XKR6: variants seen among roughly 807,000 people sequenced by gnomAD.
The protein encoded by XKR6 is XK related 6, also known as XK-related protein 6.
XKR6 carries 22 observed loss-of-function variants against 56.7 expected under a neutral mutation model. The observed-to-expected ratio is 0.39, with a 90% confidence interval of 0.28 to 0.55. The LOEUF (loss-of-function observed/expected upper bound fraction) is 0.55, where lower values mean the gene tolerates loss of function less well. Ranked by LOEUF, XKR6 falls within the 20% of genes least tolerant of loss-of-function variation. The pLI is 0.66. For missense variants in XKR6, 852 were observed against 889.0 expected, an observed-to-expected ratio of 0.96 and a Z score of 0.53; for synonymous variants, 524 against 387.8, an observed-to-expected ratio of 1.35 and a Z score of -4.13.
rs1447672553 is a variant in XKR6 at position 11,130,987 on chromosome 8, T to C, written c.764+69589A>G. ...CAAGAAATGATGTCATGACATCACATACAATATAAGCACATTTCATAAATC... is the reference window on the plus strand; with the variant it reads ...CAAGAAATGATGTCATGACATCACACACAATATAAGCACATTTCATAAATC... On this transcript the variant is annotated intron_variant, in intron 1 of 2. Transcript: ENST00000416569. 2.6e-5 allele frequency among the ~76,000 whole-genome samples: 4 copies of C among 152,146 alleles called. No homozygotes were observed. In the East Asian group the frequency reaches 5.8e-4, roughly 22 times the overall value.
rs553226221 is a variant in XKR6, at chr8:11,201,383, C to CG, written c.-45dup. On this transcript the variant is annotated 5_prime_UTR_variant, in exon 1 of 3. Coordinates refer to ENST00000416569, the MANE Select transcript of XKR6 (RefSeq NM_173683.4). ...TCCGGAGGTTGGGGGGGAGGGACGG[C>CG]GGGGGGGGGGGGAAGAAGGCAGGGA... is the stretch of plus-strand genomic sequence containing the variant. 0.011 allele frequency: 1,792 copies of CG among 156,040 alleles called. 9 individuals are homozygous for CG. Among genetic ancestry groups the CG allele is most frequent in the East Asian group, 0.023 (40 of 1,752 alleles). The allele number at this position is 156,040 out of a possible 1,614,324, so 9.7% of individuals were successfully genotyped here.
chr8:11,199,108 A>G (rs1375009486), intron 1 of XKR6, among the ~76,000 whole-genome samples: 1 of 152,214 alleles, frequency 6.6e-6, no homozygotes, highest in Non-Finnish European at 1.5e-5. Flanking sequence ...CACTTCTTAT[A>G]AACTTATCAG....
chr8:11,016,649 A>G (rs1798630300), intron 1 of XKR6, among the ~76,000 whole-genome samples: 1 of 151,866 alleles, frequency 6.6e-6, no homozygotes, highest in Admixed American at 6.6e-5. Flanking sequence ...CCTCCTCGTC[A>G]CTGCCACGGA....
intron 2 of XKR6, among the ~76,000 whole-genome samples, chr8:10,910,245 T>C (rs978251787): frequency 4.6e-5 from 7 of 151,908 alleles, no homozygotes; most frequent in African/African-American, 1.5e-4. Context: ...CGCGCTGAGG[T>C]TGAAACTGTG....
At chr8:11,166,668 G>A (rs984234265) in intron 1 of XKR6, among the ~76,000 whole-genome samples, 1 of 151,946 alleles carries the variant, frequency 6.6e-6, no homozygotes, top group Non-Finnish European at 1.5e-5. Context: ...TGCCTCCTAG[G>A]TTCAAGCGAT....
At chr8:11,037,792 A>G (rs926142963) in intron 1 of XKR6, among the ~76,000 whole-genome samples, 1 of 151,272 alleles carries the variant, frequency 6.6e-6, no homozygotes, top group Non-Finnish European at 1.5e-5. Flanking sequence ...CAGAAGGCAG[A>G]GCTTGCACTG....
chr8:11,112,091 A>G (rs561227118), intron 1 of XKR6, among the ~76,000 whole-genome samples: 36 of 152,344 alleles, frequency 2.4e-4, no homozygotes, highest in Admixed American at 2.2e-3. Flanking sequence ...AATATTACAC[A>G]ATACTCATCC....
intron 1 of XKR6, among the ~76,000 whole-genome samples, chr8:11,033,238 G>T (rs558339537): frequency 1.9e-3 from 294 of 151,264 alleles, no homozygotes; most frequent in African/African-American, 7.0e-3. Flanking sequence ...GGTGATGGTG[G>T]TGGTGACAGT....
intron 1 of XKR6, among the ~76,000 whole-genome samples, chr8:10,968,316 A>C (rs1235044914): frequency 6.6e-6 from 1 of 152,268 alleles, no homozygotes; most frequent in Non-Finnish European, 1.5e-5. Flanking sequence ...CCCATTTAAA[A>C]AATTAGAGAA....
At chr8:11,189,119 G>C in intron 1 of XKR6, among the ~76,000 whole-genome samples, 1 of 152,012 alleles carries the variant, frequency 6.6e-6, no homozygotes. Flanking sequence ...GTATCTATTA[G>C]GTCATGTCTC....
At chr8:10,917,100 G>A (rs1800584639) in intron 2 of XKR6, among the ~76,000 whole-genome samples, 1 of 151,056 alleles carries the variant, frequency 6.6e-6, no homozygotes, top group Non-Finnish European at 1.5e-5. Context: ...CAAATTTGGT[G>A]CTGGTATCTG....
intron 1 of XKR6, among the ~76,000 whole-genome samples, chr8:11,128,011 C>T (rs1048996630): frequency 3.3e-5 from 5 of 152,114 alleles, no homozygotes; most frequent in Admixed American, 2.0e-4. Context: ...TCACATAAAA[C>T]GACATGCATT....
At chr8:11,128,635 A>C (rs906923399) in intron 1 of XKR6, among the ~76,000 whole-genome samples, 2 of 152,348 alleles carry the variant, frequency 1.3e-5, no homozygotes, top group Middle Eastern at 3.4e-3. Context: ...CTACTGTCCT[A>C]GAGTATAACC....
chr8:10,913,250 G>A (rs1460549978), intron 2 of XKR6, among the ~76,000 whole-genome samples: 1 of 151,932 alleles, frequency 6.6e-6, no homozygotes, highest in Non-Finnish European at 1.5e-5. Context: ...CCACTAAAAT[G>A]TAAGCCCCAG....
intron 1 of XKR6, among the ~76,000 whole-genome samples, chr8:11,006,282 C>G (rs1380668630): frequency 1.3e-5 from 2 of 152,154 alleles, no homozygotes; most frequent in African/African-American, 4.8e-5. Context: ...TAGTAGGACA[C>G]TGATTCCTTC....
chr8:11,116,124 T>C (rs1279990466), intron 1 of XKR6, among the ~76,000 whole-genome samples: 2 of 152,214 alleles, frequency 1.3e-5, no homozygotes, highest in Non-Finnish European at 2.9e-5. Context: ...TTTGCTGCAT[T>C]CAAATTTTAA....
At chr8:11,123,506 A>G in intron 1 of XKR6, 1 of 222,788 alleles carries the variant, frequency 4.5e-6, no homozygotes, top group Non-Finnish European at 9.0e-6. Flanking sequence ...ACCAGCTGCT[A>G]CAATGTGAAG....
chr8:11,077,695 A>G (rs1162793040), intron 1 of XKR6, among the ~76,000 whole-genome samples: 7 of 152,090 alleles, frequency 4.6e-5, no homozygotes, highest in Non-Finnish European at 2.9e-5. Context: ...CCTCTTATTA[A>G]GTGGGAACCC....
At chr8:10,998,326 T>C (rs748327674) in intron 1 of XKR6, among the ~76,000 whole-genome samples, 7 of 152,076 alleles carry the variant, frequency 4.6e-5, no homozygotes, top group Non-Finnish European at 1.0e-4. Flanking sequence ...TTGAACCTAA[T>C]TGTTTTAACA....
Sources: gnomAD v4.1 joint callset for allele counts (sites outside exome capture counted in the v4.1 genomes callset) on GRCh38, gnomAD v4.1.1 for gene constraint, MANE v1.5 for transcripts, NCBI Gene and HGNC (gene_info 2026-07-23, HGNC 2026-07-21) for gene names.